RYR2: variants seen among roughly 807,000 people sequenced by gnomAD.
RYR2 encodes the protein ryanodine receptor 2.
Under a neutral mutation model 601.1 loss-of-function variants are expected in RYR2, and 227 were observed. The observed-to-expected ratio is 0.38, with a 90% CI of 0.34 to 0.42. The LOEUF is 0.42. Among genes scored for constraint, RYR2 ranks in the 10% least tolerant of loss-of-function variants. RYR2 has a pLI of 1.00. For missense variants in RYR2, 4,646 were observed against 6,156.5 expected (o/e 0.75, Z 8.21); for synonymous variants, 2,223 against 2,175.1 (o/e 1.02, Z -0.61).
chr1:237,753,648 C>T (rs1692711404), intron 80 of RYR2, among the ~76,000 whole-genome samples: 1 of 152,102 alleles, frequency 6.6e-6, no homozygotes, highest in African/African-American at 2.4e-5. Context: ...TTTTTTTCCT[C>T]ACCTTACTGT....
intron 74 of RYR2, among the ~76,000 whole-genome samples, chr1:237,724,173 ATG>A (rs1223643326): frequency 1.7e-5 from 2 of 117,570 alleles, no homozygotes; most frequent in African/African-American, 3.5e-5. Flanking sequence ...ACCTAAATGT[ATG>A]TGTGTGTGCA....
At chr1:237,683,730 T>A (rs1686101621) in intron 62 of RYR2, among the ~76,000 whole-genome samples, 1 of 152,164 alleles carries the variant, frequency 6.6e-6, no homozygotes, top group Non-Finnish European at 1.5e-5. Flanking sequence ...CTATTAAAGC[T>A]TTTTATGTGA....
intron 62 of RYR2, among the ~76,000 whole-genome samples, chr1:237,682,585 GCTA>G (rs961812115): frequency 9.9e-5 from 15 of 152,094 alleles, no homozygotes; most frequent in African/African-American, 3.6e-4. Flanking sequence ...GGAGCAATAG[GCTA>G]TACCATTTAG....
chr1:237,419,024 G>T (rs538190536), intron 11 of RYR2, among the ~76,000 whole-genome samples: 1 of 152,030 alleles, frequency 6.6e-6, no homozygotes, highest in South Asian at 2.1e-4. Flanking sequence ...TAAGGAAAGG[G>T]ATTTTAAGTA....
rs551140501 is a variant in RYR2, at chr1:237,436,454, C to CTTTTTTTTTTTTTTTTTTTTT, written c.1006-4861_1006-4841dup. Among the ~76,000 whole-genome samples the CTTTTTTTTTTTTTTTTTTTTT allele has an allele frequency of 1.9e-3, 93 of 48,726 alleles. 9 individuals carry two copies. Among genetic ancestry groups the CTTTTTTTTTTTTTTTTTTTTT allele is most frequent in the African/African-American group, 3.6e-3 (37 of 10,162 alleles). The allele number at this position is 48,726 out of a possible 152,430, so 32.0% of individuals were successfully genotyped here. ...AGCCGAGGGATAATGTGTGATTTTCCTTTTTTTTTTTTTTTTTTTTTTTTG... is the reference window on the plus strand; with the variant it reads ...AGCCGAGGGATAATGTGTGATTTTCCTTTTTTTTTTTTTTTTTTTTTTTTTTTTTTTTTTTTTTTTTTTTTG... On this transcript the variant is annotated intron_variant, in intron 12 of 104. Transcript: ENST00000366574.
intron 55 of RYR2, 134 bp downstream of exon 55, chr1:237,660,208 A>T (rs941572523): frequency 3.2e-5 from 12 of 369,284 alleles, no homozygotes; most frequent in African/African-American, 2.4e-4. Context: ...GGTCCCGTTT[A>T]AAAAAAAAAC....
At chr1:237,168,678 A>G (rs1572077890) in intron 1 of RYR2, among the ~76,000 whole-genome samples, 1 of 146,692 alleles carries the variant, frequency 6.8e-6, no homozygotes, top group South Asian at 2.3e-4. Context: ...TAGAATGTTT[A>G]GATTTCACTT....
intron 41 of RYR2, among the ~76,000 whole-genome samples, chr1:237,630,349 G>T (rs1680118035): frequency 6.6e-6 from 1 of 152,046 alleles, no homozygotes; most frequent in Admixed American, 6.6e-5. Context: ...AGCTGCCCTT[G>T]TTTACCTTAG....
intron 44 of RYR2, among the ~76,000 whole-genome samples, chr1:237,635,268 A>C (rs1048174564): frequency 6.6e-6 from 1 of 152,330 alleles, no homozygotes; most frequent in South Asian, 2.1e-4. Flanking sequence ...GTTATGAAGA[A>C]CAATACATTT....
chr1:237,187,519 C>T (rs752571984), intron 1 of RYR2, among the ~76,000 whole-genome samples: 1 of 147,642 alleles, frequency 6.8e-6, no homozygotes, highest in Non-Finnish European at 1.5e-5. Context: ...TCACAGCTCA[C>T]TACAGCCTCA....
chr1:237,379,123 G>A (rs1356640082), intron 8 of RYR2, among the ~76,000 whole-genome samples: 1 of 152,080 alleles, frequency 6.6e-6, no homozygotes, highest in African/African-American at 2.4e-5. Context: ...AGTTGTACCT[G>A]GAAACCAATA....
chr1:237,096,309 T>C (rs1667502156), intron 1 of RYR2, among the ~76,000 whole-genome samples: 1 of 152,262 alleles, frequency 6.6e-6, no homozygotes, highest in Non-Finnish European at 1.5e-5. Flanking sequence ...AACTCTTTTC[T>C]TCAGCTCATG....
At chr1:237,176,248 A>ATAT (rs1553330331) in intron 1 of RYR2, among the ~76,000 whole-genome samples, 5 of 133,038 alleles carry the variant, frequency 3.8e-5, no homozygotes, top group South Asian at 2.5e-4. Context: ...TAATGAAAAA[A>ATAT]ATATATATAT....
chr1:237,089,327 A>T (rs1666698653), intron 1 of RYR2, among the ~76,000 whole-genome samples: 1 of 152,234 alleles, frequency 6.6e-6, no homozygotes, highest in South Asian at 2.1e-4. Flanking sequence ...TTTAAAATGC[A>T]TTTCCAACTA....
intron 5 of RYR2, 50 bp downstream of exon 5, chr1:237,364,422 C>G (rs1444568335): frequency 9.7e-7 from 1 of 1,028,860 alleles, no homozygotes. Context: ...AGATATATTA[C>G]TATATATGGA....
intron 80 of RYR2, among the ~76,000 whole-genome samples, chr1:237,743,051 T>C (rs2797448): frequency 0.55 from 83,656 of 151,998 alleles, 23,884 homozygotes; most frequent in East Asian, 0.82. Context: ...TTTTGTTTAT[T>C]GGCTCTTTTT....
At chr1:237,111,636 G>A (rs1298294422) in intron 1 of RYR2, among the ~76,000 whole-genome samples, 1 of 149,320 alleles carries the variant, frequency 6.7e-6, no homozygotes, top group Non-Finnish European at 1.5e-5. Flanking sequence ...TTCTGAGTGT[G>A]AAGTGTGCTT....
intron 8 of RYR2, among the ~76,000 whole-genome samples, chr1:237,380,712 C>T (rs913274732): frequency 5.9e-5 from 9 of 151,718 alleles, no homozygotes; most frequent in Admixed American, 1.3e-4. Flanking sequence ...GAGGCCAAGG[C>T]GGGAGGATCA....
In RYR2 at chr1:237,784,706, G is replaced by A. The variant is rs1695407325; in HGVS notation, c.12994G>A (p.Ala4332Thr). The A allele has an allele frequency of 1.9e-6, 3 of 1,607,956 alleles. No individual in the cohort carries two copies. The highest frequency in any genetic ancestry group is 1.3e-5 in the African/African-American group (1 of 74,546). The change falls in exon 90 of 105, where the codon GCC (alanine) becomes ACC (threonine). Residue 4332 changes from alanine to threonine, a missense_variant. Coordinates refer to ENST00000366574, the MANE Select transcript of RYR2 (RefSeq NM_001035.3). The surrounding 1 kb of genome is among the most constrained non-coding windows in gnomAD (Gnocchi z 7.1). ...AAAGATCAAAGTTGCAGAACTGTTA[G>A]CCAACATGCCAGACCCCACTCAGGA... is the stretch of plus-strand genomic sequence containing the variant. ...AKKIKVAELLANMPDPTQDEV... is the reference protein window; with the variant it reads ...AKKIKVAELLTNMPDPTQDEV...
Sources: gnomAD v4.1 joint callset for allele counts (sites outside exome capture counted in the v4.1 genomes callset) on GRCh38, gnomAD v4.1.1 for gene constraint, Gnocchi (gnomAD v3.1) non-coding constraint, MANE v1.5 for transcripts, NCBI Gene and HGNC (gene_info 2026-07-23, HGNC 2026-07-21) for gene names.